The following GRIN2A variants were observed in gnomAD, a reference collection of about 807,000 sequenced individuals.
GRIN2A encodes the protein glutamate ionotropic receptor NMDA type subunit 2A.
In GRIN2A, 22 loss-of-function variants were observed where a neutral mutation model predicts 113.4. The ratio of observed to expected loss-of-function variants is 0.19; its 90% CI spans 0.14 to 0.28. GRIN2A has a LOEUF of 0.28. Among genes scored for constraint, GRIN2A ranks in the 10% least tolerant of loss-of-function variants. The pLI is 1.00. For missense variants in GRIN2A, 1,502 were observed against 1,887.0 expected (o/e 0.80, Z 3.78); for synonymous variants, 827 against 738.4 (o/e 1.12, Z -1.94).
intron 10 of GRIN2A, among the ~76,000 whole-genome samples, chr16:9,804,997 A>G (rs2041937100): frequency 6.6e-6 from 1 of 152,166 alleles, no homozygotes. Flanking sequence ...CCTTATTGAC[A>G]GCTCTCAAGA....
intron 2 of GRIN2A, among the ~76,000 whole-genome samples, chr16:10,077,084 G>A (rs1286418132): frequency 6.6e-6 from 1 of 152,158 alleles, no homozygotes; most frequent in Admixed American, 6.5e-5. Context: ...AATGTTGCTG[G>A]CACTGGAGAT....
chr16:9,777,527 C>A (rs1214698887), intron 11 of GRIN2A, among the ~76,000 whole-genome samples: 2 of 152,196 alleles, frequency 1.3e-5, no homozygotes, highest in South Asian at 2.1e-4. Context: ...TGAGAAGTCA[C>A]AAAACCAAAA....
rs958328224 is a variant in GRIN2A, at chr16:9,761,426, A to G, written c.*1723T>C. ...GTCTACATTAGCTTAGTGTTTCCGT[A>G]ATGGCCCAAAACAGACTGAGGTCTT... On this transcript the variant is annotated 3_prime_UTR_variant, in exon 13 of 13. Transcript: ENST00000330684. 4.8e-5 allele frequency: 11 copies of G among 231,104 alleles called. No individual in the cohort carries two copies. In the Admixed American group the frequency reaches 5.1e-4, roughly 11 times the overall value. The allele number at this position is 231,104 out of a possible 1,614,324, so 14.3% of individuals were successfully genotyped here.
chr16:10,063,050 A>G (rs892043122), intron 2 of GRIN2A, among the ~76,000 whole-genome samples: 2 of 152,220 alleles, frequency 1.3e-5, no homozygotes, highest in South Asian at 2.1e-4. Flanking sequence ...GCCATAAAAA[A>G]GAACAAAATC....
intron 2 of GRIN2A, among the ~76,000 whole-genome samples, chr16:10,163,032 T>G (rs2049835874): frequency 6.6e-6 from 1 of 152,130 alleles, no homozygotes; most frequent in Admixed American, 6.5e-5. Flanking sequence ...TTTTGGTGAG[T>G]TAAAAGATTA....
At chr16:9,955,505 C>T (rs527300009) in intron 2 of GRIN2A, among the ~76,000 whole-genome samples, 11 of 152,300 alleles carry the variant, frequency 7.2e-5, no homozygotes, top group African/African-American at 2.6e-4. Context: ...TGTTACTGCC[C>T]CTACCTTTAA....
At chr16:9,954,892 G>A (rs2045270225) in intron 2 of GRIN2A, among the ~76,000 whole-genome samples, 1 of 152,132 alleles carries the variant, frequency 6.6e-6, no homozygotes, top group Non-Finnish European at 1.5e-5. Flanking sequence ...CGTCCTTTAT[G>A]TTCATTATGT....
chr16:9,892,090 G>C lies in GRIN2A; in HGVS notation c.1008-990C>G, dbSNP rs536304151. On this transcript the variant is annotated intron_variant, in intron 3 of 12. Transcript: ENST00000330684. ...CTAAAAATACAAAAAAATTAGCTGG[G>C]CATGGTGGTGCAAACCTGTATTCCC... Among the ~76,000 whole-genome samples the C allele has an allele frequency of 3.3e-5, 5 of 152,194 alleles. No individual in the cohort carries two copies. In the South Asian group the frequency reaches 1.0e-3, roughly 32 times the overall value.
chr16:9,761,831 C>G lies in GRIN2A; in HGVS notation c.*1318G>C, dbSNP rs573271885. ...ATACTTTGAGGAATTTTTCCTACAT[C>G]TCTGTTGGTGCTATGAAGTGGTTTG... On this transcript the variant is annotated 3_prime_UTR_variant, in exon 13 of 13. Transcript: ENST00000330684. 13 of 205,238 alleles carry G rather than the reference C, an allele frequency of 6.3e-5. No homozygotes were observed. Among genetic ancestry groups the G allele is most frequent in the African/African-American group, 2.0e-4 (9 of 43,930 alleles). The allele number at this position is 205,238 out of a possible 1,614,324, so 12.7% of individuals were successfully genotyped here.
intron 2 of GRIN2A, among the ~76,000 whole-genome samples, chr16:10,092,457 C>T (rs886588001): frequency 3.9e-5 from 6 of 152,176 alleles, no homozygotes; most frequent in Non-Finnish European, 5.9e-5. Flanking sequence ...GGAAAGAGAT[C>T]AGGGTGTCTT....
intron 2 of GRIN2A, among the ~76,000 whole-genome samples, chr16:10,100,129 T>C (rs566020692): frequency 5.3e-5 from 8 of 152,300 alleles, no homozygotes; most frequent in African/African-American, 1.9e-4. Flanking sequence ...ATATTACTTT[T>C]GCAAGGAGCA....
At chr16:9,867,490 G>A (rs1283739473) in intron 4 of GRIN2A, among the ~76,000 whole-genome samples, 1 of 152,054 alleles carries the variant, frequency 6.6e-6, no homozygotes, top group East Asian at 1.9e-4. Flanking sequence ...AGTAATAAAG[G>A]AGGCATCTCT....
intron 2 of GRIN2A, among the ~76,000 whole-genome samples, chr16:10,138,142 A>G (rs1294266033): frequency 3.9e-5 from 6 of 152,224 alleles, no homozygotes; most frequent in Non-Finnish European, 8.8e-5. Context: ...TCTGTAGATA[A>G]TGCTTCATGA....
At chr16:9,994,311 C>T (rs990765597) in intron 2 of GRIN2A, among the ~76,000 whole-genome samples, 6 of 152,088 alleles carry the variant, frequency 3.9e-5, no homozygotes, top group African/African-American at 1.2e-4. Context: ...GGGTTACTTC[C>T]CCCATCTTCT....
rs1196193748 is a variant in GRIN2A at position 9,963,729 on chromosome 16, G to GTATATT, written c.415-25184_415-25179dup. Among the ~76,000 whole-genome samples the GTATATT allele has an allele frequency of 2.0e-5, 3 of 152,146 alleles. No individual in the cohort carries two copies. The East Asian group carries it at 5.8e-4, about 29-fold the overall frequency. ...ACAGGTTTATTAACCTTCAGCCTCT[G>GTATATT]TATATTTATTGAGAATCTGCTATTC... On this transcript the variant is annotated intron_variant, in intron 2 of 12. Transcript: ENST00000330684.
intron 11 of GRIN2A, among the ~76,000 whole-genome samples, chr16:9,793,116 A>T (rs1902722701): frequency 6.6e-6 from 1 of 152,112 alleles, no homozygotes. Context: ...TTGGAGCCTC[A>T]TTTTCCTGCT....
At chr16:9,798,237 C>A (rs1903120605) in intron 11 of GRIN2A, 40 bp downstream of exon 11, 4 of 1,555,760 alleles carry the variant, frequency 2.6e-6, no homozygotes, top group Non-Finnish European at 2.7e-6. Flanking sequence ...GTGTGAGGGT[C>A]TCAAGTCCCC....
intron 3 of GRIN2A, among the ~76,000 whole-genome samples, chr16:9,915,930 A>G (rs1361090729): frequency 6.6e-6 from 1 of 152,240 alleles, no homozygotes; most frequent in Non-Finnish European, 1.5e-5. Flanking sequence ...AATGCTAATT[A>G]CTGTAGATGT....
chr16:9,934,798 A>G (rs2044674904), intron 3 of GRIN2A, among the ~76,000 whole-genome samples: 1 of 149,040 alleles, frequency 6.7e-6, no homozygotes, highest in South Asian at 2.1e-4. Context: ...GGTTTCCACT[A>G]TTCCCTGGGG....
Sources: gnomAD v4.1 joint callset for allele counts (sites outside exome capture counted in the v4.1 genomes callset) on GRCh38, gnomAD v4.1.1 for gene constraint, MANE v1.5 for transcripts, NCBI Gene and HGNC (gene_info 2026-07-23, HGNC 2026-07-21) for gene names.